The following LTN1 variants were observed in gnomAD, a reference collection of about 807,000 sequenced individuals.
The protein encoded by LTN1 is listerin E3 ubiquitin protein ligase 1.
Under a neutral mutation model 201.2 loss-of-function variants are expected in LTN1, and 88 were observed. The observed-to-expected ratio is 0.44, with a 90% CI of 0.37 to 0.52. The LOEUF (loss-of-function observed/expected upper bound fraction) is 0.52, where lower values mean the gene tolerates loss of function less well. Among genes scored for constraint, LTN1 ranks in the 20% least tolerant of loss-of-function variants. LTN1 has a pLI of 0.00. For synonymous variants in LTN1, 645 were observed against 713.5 expected (o/e 0.90, Z 1.53); for missense variants, 1,752 against 2,038.7 (o/e 0.86, Z 2.71).
chr21:28,984,802 A>G lies in LTN1; in HGVS notation c.466T>C (p.Cys156Arg). ...AACGCAGCTGGTGTGTAAGTATCAC[A>G]CTGAGCCATTAGCCAATATCCCATT... ...SLMGYWLMAQ[C>R]DTYTPAAFAA... The change falls in exon 4 of 30, where the codon TGT (cysteine) becomes CGT (arginine). Residue 156 changes from cysteine to arginine, a missense_variant. By Grantham distance (180) the Cys-to-Arg change is radical. Coordinates refer to ENST00000361371, the MANE Select transcript of LTN1 (RefSeq NM_015565.3). The G allele has an allele frequency of 6.2e-7, 1 of 1,614,148 alleles. No individual in the cohort carries two copies. Among genetic ancestry groups the G allele is most frequent in the Non-Finnish European group, 8.5e-7 (1 of 1,179,964 alleles).
chr21:28,966,597 T>A lies in LTN1; in HGVS notation c.1894A>T (p.Met632Leu). 6.2e-7 allele frequency: 1 copy of A among 1,614,122 alleles called. No homozygotes were observed. The highest frequency in any genetic ancestry group is 8.5e-7 in the Non-Finnish European group (1 of 1,180,020). The change falls in exon 10 of 30, where the codon ATG becomes TTG. Residue 632 changes from methionine to leucine, a missense_variant. This residue lies in a region of LTN1 where 1,211 missense variants were observed against 1,312.8 expected (regional missense o/e 0.92). Transcript: ENST00000361371. ...DSFSSSRVFK[M>L]LLGDEKQSIV... Reference sequence around the variant, plus strand: ...CTCTGTTTTTCATCACCAAGTAGCATTTTAAATACTCGGCTTGAAGAAAAG... The same window carrying A: ...CTCTGTTTTTCATCACCAAGTAGCAATTTAAATACTCGGCTTGAAGAAAAG...
At chr21:28,930,558 C>T (rs1229468566) in intron 29 of LTN1, 48 bp from the exon 30 acceptor site, 5 of 1,180,544 alleles carry the variant, frequency 4.2e-6, no homozygotes, top group African/African-American at 1.5e-5. Flanking sequence ...TAAAGTTCTC[C>T]TCTAACATAC....
At chr21:28,992,650 G>A in intron 1 of LTN1, 114 bp downstream of exon 1, 2 of 1,165,540 alleles carry the variant, frequency 1.7e-6, no homozygotes, top group South Asian at 2.6e-5. Context: ...ACACTCGACA[G>A]GGAAACACAC....
chr21:28,942,196 C>A (rs952597084), intron 24 of LTN1, among the ~76,000 whole-genome samples: 1 of 152,124 alleles, frequency 6.6e-6, no homozygotes, highest in Non-Finnish European at 1.5e-5. Context: ...TTCAACACCT[C>A]CATCTCATGT....
At chr21:28,983,880 G>C (rs770332924) in intron 4 of LTN1, among the ~76,000 whole-genome samples, 4 of 152,116 alleles carry the variant, frequency 2.6e-5, no homozygotes, top group Non-Finnish European at 1.5e-5. Context: ...CAACTTTGTT[G>C]TCTGGTTTTT....
intron 27 of LTN1, among the ~76,000 whole-genome samples, chr21:28,934,370 G>A (rs956832699): frequency 1.2e-4 from 18 of 152,292 alleles, no homozygotes; most frequent in South Asian, 6.2e-4. Flanking sequence ...ATGCTGAATT[G>A]TAATCCCAAA....
intron 9 of LTN1, among the ~76,000 whole-genome samples, chr21:28,969,065 A>C (rs1292578986): frequency 6.6e-6 from 1 of 151,968 alleles, no homozygotes; most frequent in Non-Finnish European, 1.5e-5. Context: ...TACTAAAAAT[A>C]CAAAAATTAG....
chr21:28,937,950 T>C (rs2084269032), intron 25 of LTN1, among the ~76,000 whole-genome samples: 1 of 152,166 alleles, frequency 6.6e-6, no homozygotes, highest in East Asian at 1.9e-4. Context: ...CAGTAAGTAC[T>C]ATTGCTAAAA....
At chr21:28,977,823 G>T (rs950268172) in intron 6 of LTN1, among the ~76,000 whole-genome samples, 1 of 152,112 alleles carries the variant, frequency 6.6e-6, no homozygotes, top group African/African-American at 2.4e-5. Flanking sequence ...AGCTACTCGG[G>T]AGGCTAAGGG....
In LTN1 at chr21:28,935,811, G is replaced by A. The variant is rs563336110; in HGVS notation, c.4655-482C>T. ...GCCGAGATCACGCCACTGCACTCCG[G>A]CCTGGGCGACAGAGCGAGACTCCGT... On this transcript the variant is annotated intron_variant, in intron 26 of 29. Coordinates refer to ENST00000361371, the MANE Select transcript of LTN1 (RefSeq NM_015565.3). Among the ~76,000 whole-genome samples, 286 of 145,140 alleles carry A rather than the reference G, an allele frequency of 2.0e-3. 3 individuals are homozygous for A. Among genetic ancestry groups the A allele is most frequent in the African/African-American group, 7.2e-3 (279 of 38,494 alleles).
At chr21:28,973,294 C>T (rs1172151530) in intron 6 of LTN1, among the ~76,000 whole-genome samples, 1 of 149,680 alleles carries the variant, frequency 6.7e-6, no homozygotes, top group African/African-American at 2.5e-5. Flanking sequence ...TTGCAATGAG[C>T]CCAGATTGCA....
At chr21:28,964,953 T>C (rs1320281096) in intron 11 of LTN1, among the ~76,000 whole-genome samples, 1 of 151,948 alleles carries the variant, frequency 6.6e-6, no homozygotes, top group Non-Finnish European at 1.5e-5. Flanking sequence ...CATTGAAAAA[T>C]AATAAATATT....
At chr21:28,960,801 T>A (rs903947711) in intron 11 of LTN1, 95 bp from the exon 12 acceptor site, 2 of 809,224 alleles carry the variant, frequency 2.5e-6, no homozygotes, top group Non-Finnish European at 3.9e-6. Context: ...CCCTTCGTTA[T>A]CATGGCTCCA....
chr21:28,985,471 A>T (rs2146317856), intron 3 of LTN1, among the ~76,000 whole-genome samples: 1 of 151,994 alleles, frequency 6.6e-6, no homozygotes, highest in South Asian at 2.1e-4. Flanking sequence ...ATTAAAAAAA[A>T]AAAAAAAAAA....
intron 11 of LTN1, among the ~76,000 whole-genome samples, chr21:28,965,644 T>C (rs1385917333): frequency 1.3e-5 from 2 of 152,284 alleles, no homozygotes; most frequent in Admixed American, 6.5e-5. Flanking sequence ...CCAGAGCCTG[T>C]TCATTTTTCC....
At chr21:28,956,407 T>C (rs2146285257) in intron 16 of LTN1, among the ~76,000 whole-genome samples, 1 of 150,592 alleles carries the variant, frequency 6.6e-6, no homozygotes, top group African/African-American at 2.5e-5. Flanking sequence ...AGGTATCAAT[T>C]TTTTTTTAAT....
At chr21:28,960,448 C>T in intron 12 of LTN1, 69 bp downstream of exon 12, 1 of 1,229,528 alleles carries the variant, frequency 8.1e-7, no homozygotes, top group African/African-American at 1.5e-5. Flanking sequence ...AAGCTGAGCC[C>T]CATGCAATCC....
intron 1 of LTN1, among the ~76,000 whole-genome samples, chr21:28,989,468 AT>A (rs774323305): frequency 0.014 from 2,003 of 146,912 alleles, 20 homozygotes; most frequent in African/African-American, 0.023. Context: ...TATGGCACTT[AT>A]TTTTTTTTTT....
rs182205688 is a variant in LTN1 at position 28,970,100 on chromosome 21, A to T, written c.1175+452T>A. ...TCATTAATAAAATGATGTATCTTCT[A>T]AGTTCAACAAATGTACTGAAACAGT... On this transcript the variant is annotated intron_variant, in intron 8 of 29. Transcript: ENST00000361371. Among the ~76,000 whole-genome samples the T allele has an allele frequency of 4.3e-3, 650 of 152,378 alleles. 2 individuals carry two copies. The highest frequency in any genetic ancestry group is 0.015 in the African/African-American group (609 of 41,588).
Sources: allele counts gnomAD v4.1 joint callset (sites outside exome capture counted in the v4.1 genomes callset), GRCh38; gene constraint gnomAD v4.1.1; regional missense constraint gnomAD v4.1.1; transcripts MANE v1.5; gene names NCBI Gene and HGNC (gene_info 2026-07-23, HGNC 2026-07-21).